NBAS: variants seen among roughly 807,000 people sequenced by gnomAD.
NBAS encodes the protein NBAS subunit of NRZ tethering complex.
A neutral mutation model predicts 302.5 loss-of-function variants in NBAS; 219 were observed. The observed-to-expected ratio is 0.72, with a 90% CI of 0.65 to 0.81. The LOEUF (loss-of-function observed/expected upper bound fraction) is 0.81, where lower values mean the gene tolerates loss of function less well. Ranked by LOEUF, NBAS falls within the 30% of genes least tolerant of loss-of-function variation. The pLI is 0.00. For missense variants in NBAS, 2,932 were observed against 2,841.6 expected, an observed-to-expected ratio of 1.03 and a Z score of -0.72; for synonymous variants, 1,118 against 1,021.6, an observed-to-expected ratio of 1.09 and a Z score of -1.80.
intron 30 of NBAS, among the ~76,000 whole-genome samples, chr2:15,376,588 T>A (rs1057406788): frequency 2.6e-5 from 4 of 152,116 alleles, no homozygotes; most frequent in African/African-American, 9.7e-5. Flanking sequence ...TGAGATAAGA[T>A]ATCACCTGTG....
the NBAS span, among the ~76,000 whole-genome samples, chr2:14,897,782 A>G: frequency 6.6e-6 from 1 of 152,098 alleles, no homozygotes. Context: ...TTCTCAGGAG[A>G]TGACAAGTTT....
chr2:15,374,779 CA>C, intron 30 of NBAS, 59 bp from the exon 31 acceptor site: 1 of 1,351,900 alleles, frequency 7.4e-7, no homozygotes, highest in Non-Finnish European at 1.1e-6. Flanking sequence ...TTTCTATACT[CA>C]ACACCATGAG....
chr2:15,066,098 C>G, the NBAS span, among the ~76,000 whole-genome samples: 1 of 152,018 alleles, frequency 6.6e-6, no homozygotes, highest in Non-Finnish European at 1.5e-5. Flanking sequence ...GTCAATTGCT[C>G]TTTGACAAGG....
At chr2:15,041,899 G>A in the NBAS span, among the ~76,000 whole-genome samples, 2 of 152,044 alleles carry the variant, frequency 1.3e-5, no homozygotes, top group Non-Finnish European at 2.9e-5. Flanking sequence ...CTGGGAGGAT[G>A]GGGCCATTTT....
the NBAS span, among the ~76,000 whole-genome samples, chr2:14,999,818 A>G: frequency 2.0e-5 from 3 of 152,194 alleles, no homozygotes; most frequent in Non-Finnish European, 4.4e-5. Context: ...ACCTAAATTT[A>G]TATCTCATTT....
At chr2:14,792,351 T>C in the NBAS span, among the ~76,000 whole-genome samples, 4 of 152,308 alleles carry the variant, frequency 2.6e-5, no homozygotes, top group South Asian at 4.1e-4. Context: ...AGGACACTTA[T>C]AGTGGTCTAC....
At position 15,499,085 on chromosome 2, in the gene NBAS, C is replaced by A. The variant is rs551976601; in HGVS notation, c.954+5060G>T. Among the ~76,000 whole-genome samples, 4 of 152,142 alleles carry A rather than the reference C, an allele frequency of 2.6e-5. No individual in the cohort carries two copies. The East Asian group carries it at 7.7e-4, about 29-fold the overall frequency. Reference sequence around the variant, plus strand: ...CTGAAATGACAAGTACGTGCCACCACACCCAGCTAATTTTTGCATTTTTAG... The same window carrying A: ...CTGAAATGACAAGTACGTGCCACCAAACCCAGCTAATTTTTGCATTTTTAG... On this transcript the variant is annotated intron_variant, in intron 11 of 51. Transcript: ENST00000281513.
the NBAS span, among the ~76,000 whole-genome samples, chr2:15,144,049 A>ATATATATATATATATATATATTATCC: frequency 1.2e-5 from 1 of 86,262 alleles, no homozygotes; most frequent in Non-Finnish European, 2.0e-5. Flanking sequence ...ATATATAAAA[A>ATATATATATATATATATATATTATCC]TATATATATA....
intron 51 of NBAS, among the ~76,000 whole-genome samples, chr2:15,176,467 A>G (rs934263452): frequency 4.6e-5 from 7 of 152,070 alleles, no homozygotes; most frequent in African/African-American, 1.7e-4. Context: ...AGACACACAC[A>G]CACACACACA....
At chr2:14,791,198 T>C in the NBAS span, among the ~76,000 whole-genome samples, 3 of 152,012 alleles carry the variant, frequency 2.0e-5, no homozygotes, top group Admixed American at 6.5e-5. Context: ...TCCGTGTTGG[T>C]CAGGCTGGTC....
chr2:15,163,710 A>C (rs534588466), downstream of NBAS, among the ~76,000 whole-genome samples: 80 of 152,218 alleles, frequency 5.3e-4, 1 homozygote, highest in Non-Finnish European at 1.2e-4. Context: ...CTTCTGGAAA[A>C]TCTGGGGTAT....
At chr2:14,848,297 G>A in the NBAS span, among the ~76,000 whole-genome samples, 3 of 140,548 alleles carry the variant, frequency 2.1e-5, no homozygotes, top group Admixed American at 6.7e-5. Context: ...TTCCCTTTCC[G>A]AGTCAAAGAA....
the NBAS span, among the ~76,000 whole-genome samples, chr2:14,861,342 C>CA: frequency 1.2e-4 from 18 of 152,276 alleles, no homozygotes; most frequent in Non-Finnish European, 2.4e-4. Flanking sequence ...AAGGGTAGTG[C>CA]ATTCTCGAAG....
chr2:15,129,570 G>A, the NBAS span, among the ~76,000 whole-genome samples: 3 of 152,172 alleles, frequency 2.0e-5, no homozygotes, highest in Middle Eastern at 3.2e-3. Flanking sequence ...CTGCATGCAC[G>A]CAGTTTGACC....
the NBAS span, among the ~76,000 whole-genome samples, chr2:15,053,127 A>G: frequency 1.3e-5 from 2 of 152,222 alleles, no homozygotes; most frequent in Non-Finnish European, 2.9e-5. Context: ...AGTAAGCCAG[A>G]AATTATGTCA....
chr2:15,197,340 C>T (rs1234889114), intron 48 of NBAS, among the ~76,000 whole-genome samples: 4 of 152,188 alleles, frequency 2.6e-5, no homozygotes, highest in African/African-American at 7.2e-5. Flanking sequence ...CTACCCCTTG[C>T]CACTTATTAC....
chr2:14,969,153 T>C, the NBAS span, among the ~76,000 whole-genome samples: 1 of 152,170 alleles, frequency 6.6e-6, no homozygotes, highest in Non-Finnish European at 1.5e-5. Flanking sequence ...TAGTCAATTC[T>C]ACAGAGACAG....
chr2:15,507,467 T>C (rs1041545327), intron 10 of NBAS, among the ~76,000 whole-genome samples: 5 of 152,260 alleles, frequency 3.3e-5, no homozygotes, highest in African/African-American at 1.2e-4. Context: ...CATATAGTTT[T>C]CCAAAATTTT....
intron 44 of NBAS, among the ~76,000 whole-genome samples, chr2:15,241,458 C>A (rs1432325964): frequency 6.6e-6 from 1 of 152,130 alleles, no homozygotes; most frequent in Non-Finnish European, 1.5e-5. Flanking sequence ...CTTTGTCAAC[C>A]AACCATGGAA....
Sources: allele counts gnomAD v4.1 joint callset (sites outside exome capture counted in the v4.1 genomes callset), GRCh38; gene constraint gnomAD v4.1.1; transcripts MANE v1.5; gene names NCBI Gene and HGNC (gene_info 2026-07-23, HGNC 2026-07-21).